The following KCNQ3 variants were observed in gnomAD, a reference collection of about 807,000 sequenced individuals.
The protein encoded by KCNQ3 is potassium voltage-gated channel subfamily KQT member 3.
In KCNQ3, 30 loss-of-function variants were observed where a neutral mutation model predicts 92.5. The ratio of observed to expected loss-of-function variants is 0.32; its 90% CI spans 0.24 to 0.44. The LOEUF (loss-of-function observed/expected upper bound fraction) is 0.44, where lower values mean the gene tolerates loss of function less well. Among genes scored for constraint, KCNQ3 ranks in the 20% least tolerant of loss-of-function variants. KCNQ3 has a pLI of 1.00. For synonymous variants in KCNQ3, 450 were observed against 468.8 expected, an observed-to-expected ratio of 0.96 and a Z score of 0.52; for missense variants, 913 against 1,140.3, an observed-to-expected ratio of 0.80 and a Z score of 2.87.
rs376999434 is a variant in KCNQ3 at position 132,255,197 on chromosome 8, C to T, written c.387-69016G>A. Among the ~76,000 whole-genome samples the T allele has an allele frequency of 1.1e-4, 17 of 151,902 alleles. No homozygotes were observed. The East Asian group carries it at 2.1e-3, about 19-fold the overall frequency. On this transcript the variant is annotated intron_variant, in intron 1 of 14. Transcript: ENST00000388996. ...GCAGCCTATAAGTCTTTGGAGGAGA[C>T]AGAATGGAGCTCCTCCAAAGCCCAC...
chr8:132,378,916 G>A (rs1819675491), intron 1 of KCNQ3, among the ~76,000 whole-genome samples: 1 of 152,230 alleles, frequency 6.6e-6, no homozygotes. Flanking sequence ...ATTCAGAAGA[G>A]TAGCAGCCAT....
At position 132,220,544 on chromosome 8, in the gene KCNQ3, T is replaced by A. The variant is rs891212974; in HGVS notation, c.387-34363A>T. 2.0e-5 allele frequency among the ~76,000 whole-genome samples: 3 copies of A among 152,058 alleles called. No homozygotes were observed. In the South Asian group the frequency reaches 6.2e-4, roughly 32 times the overall value. ...CAGGTGGATTGCCTGAGATCAGGAG[T>A]TCGAGGCCAGCCTGGCCAACATGGT... On this transcript the variant is annotated intron_variant, in intron 1 of 14. Transcript: ENST00000388996.
intron 1 of KCNQ3, among the ~76,000 whole-genome samples, chr8:132,466,972 C>T (rs1165409367): frequency 1.3e-5 from 2 of 152,182 alleles, no homozygotes; most frequent in African/African-American, 2.4e-5. Flanking sequence ...GGCTCAGTGT[C>T]GGCTTCTGGT....
At chr8:132,255,451 A>C (rs1458684265) in intron 1 of KCNQ3, among the ~76,000 whole-genome samples, 2 of 152,318 alleles carry the variant, frequency 1.3e-5, no homozygotes, top group South Asian at 4.1e-4. Flanking sequence ...CTTAAAAGGA[A>C]AATCTGTGCT....
At chr8:132,312,067 G>A (rs527455406) in intron 1 of KCNQ3, among the ~76,000 whole-genome samples, 1 of 152,308 alleles carries the variant, frequency 6.6e-6, no homozygotes, top group East Asian at 1.9e-4. Flanking sequence ...ACTGCTGGCA[G>A]CCACCAGCAG....
chr8:132,174,783 T>A (rs1179681694), intron 5 of KCNQ3, among the ~76,000 whole-genome samples: 2 of 152,236 alleles, frequency 1.3e-5, no homozygotes, highest in Non-Finnish European at 2.9e-5. Context: ...CATGTTTATG[T>A]TATCAGTATA....
At chr8:132,400,874 A>T (rs192267879) in intron 1 of KCNQ3, among the ~76,000 whole-genome samples, 1 of 152,330 alleles carries the variant, frequency 6.6e-6, no homozygotes, top group East Asian at 1.9e-4. Flanking sequence ...CTTTCACCAC[A>T]ACCTTGAAAG....
intron 1 of KCNQ3, among the ~76,000 whole-genome samples, chr8:132,194,837 T>C (rs1032900882): frequency 2.0e-5 from 3 of 152,162 alleles, no homozygotes; most frequent in African/African-American, 7.2e-5. Context: ...GAGTTCGGAG[T>C]GATTTGCTTA....
At chr8:132,179,722 C>A (rs566029083) in intron 4 of KCNQ3, among the ~76,000 whole-genome samples, 23 of 152,270 alleles carry the variant, frequency 1.5e-4, no homozygotes, top group African/African-American at 5.5e-4. Context: ...AAATTCCCAA[C>A]GTCACAGAGG....
chr8:132,145,313 G>T (rs1259798116), intron 9 of KCNQ3, among the ~76,000 whole-genome samples: 1 of 152,176 alleles, frequency 6.6e-6, no homozygotes, highest in Non-Finnish European at 1.5e-5. Context: ...AAGAAGGAAG[G>T]AAGTAATAAA....
At chr8:132,187,926 GATA>G (rs1827051523) in intron 1 of KCNQ3, among the ~76,000 whole-genome samples, 1 of 150,082 alleles carries the variant, frequency 6.7e-6, no homozygotes, top group Admixed American at 6.6e-5. Flanking sequence ...TGTTGGTGGT[GATA>G]GTGATGGTGG....
chr8:132,154,193 G>GTTTTTTTTGTTTTTTTTTTTTTT (rs1825726901), intron 9 of KCNQ3, among the ~76,000 whole-genome samples: 1 of 27,456 alleles, frequency 3.6e-5, no homozygotes, highest in East Asian at 1.2e-3. Context: ...AAGGGTAAAA[G>GTTTTTTTTGTTTTTTTTTTTTTT]TTTTTTTTTT....
intron 1 of KCNQ3, among the ~76,000 whole-genome samples, chr8:132,217,709 T>TAAAAA (rs1814083402): frequency 1.8e-5 from 1 of 54,202 alleles, no homozygotes. Flanking sequence ...AGGCTCTGTC[T>TAAAAA]CAAAAAAAAA....
chr8:132,426,938 G>GT (rs1821128769), intron 1 of KCNQ3, among the ~76,000 whole-genome samples: 1 of 152,114 alleles, frequency 6.6e-6, no homozygotes, highest in African/African-American at 2.4e-5. Flanking sequence ...AACATCATAT[G>GT]TGTTATTATT....
chr8:132,163,454 A>G lies in KCNQ3; in HGVS notation c.1262+14T>C, dbSNP rs1361577704. 3 of 1,608,190 alleles carry G rather than the reference A, an allele frequency of 1.9e-6. No individual in the cohort carries two copies. Among genetic ancestry groups the G allele is most frequent in the Non-Finnish European group, 2.6e-6 (3 of 1,174,716 alleles). On this transcript the variant is annotated intron_variant, in intron 9 of 14. Coordinates refer to ENST00000388996, the MANE Select transcript of KCNQ3 (RefSeq NM_004519.4). ...CAGAGATGTGAAGAAGGGAATTCAT[A>G]ATCAGAAACTTACCTGGATGCTGCC... is the stretch of plus-strand genomic sequence containing the variant.
At position 132,403,016 on chromosome 8, in the gene KCNQ3, C is replaced by CA. The variant is rs375099145; in HGVS notation, c.386+77130dup. On this transcript the variant is annotated intron_variant, in intron 1 of 14. Transcript: ENST00000388996. ...CTGGCAACAGGGCGAGGCACCATCACAAAAAAAAAAAAAAAAGTGTCAATA... is the reference window on the plus strand; with the variant it reads ...CTGGCAACAGGGCGAGGCACCATCACAAAAAAAAAAAAAAAAAGTGTCAATA... Among the ~76,000 whole-genome samples the CA allele has an allele frequency of 2.8e-4, 19 of 67,630 alleles. 2 individuals carry two copies. Among genetic ancestry groups the CA allele is most frequent in the South Asian group, 2.2e-3 (5 of 2,298 alleles). 44.4% of individuals were successfully genotyped at this position (67,630 alleles called of 152,430 possible).
intron 1 of KCNQ3, among the ~76,000 whole-genome samples, chr8:132,189,576 C>T (rs1389684724): frequency 3.3e-5 from 5 of 152,104 alleles, no homozygotes; most frequent in African/African-American, 1.2e-4. Flanking sequence ...CCTGTAATCC[C>T]AGCACTTTGG....
chr8:132,198,047 A>ACTG (rs1232259685), intron 1 of KCNQ3, among the ~76,000 whole-genome samples: 74 of 152,324 alleles, frequency 4.9e-4, no homozygotes, highest in African/African-American at 1.8e-3. Flanking sequence ...TTTCCAGTCA[A>ACTG]TAGACTACAG....
At chr8:132,156,974 A>T (rs1440450370) in intron 9 of KCNQ3, among the ~76,000 whole-genome samples, 1 of 152,196 alleles carries the variant, frequency 6.6e-6, no homozygotes, top group Non-Finnish European at 1.5e-5. Context: ...ATCAGCATGA[A>T]CTACCTGAAG....
Sources: gnomAD v4.1 joint callset for allele counts (sites outside exome capture counted in the v4.1 genomes callset) on GRCh38, gnomAD v4.1.1 for gene constraint, MANE v1.5 for transcripts, NCBI Gene and HGNC (gene_info 2026-07-23, HGNC 2026-07-21) for gene names.